The following PPM1A variants were observed in gnomAD, a reference collection of about 807,000 sequenced individuals.
PPM1A encodes the protein protein phosphatase 1A.
In PPM1A, 7 loss-of-function variants were observed where a neutral mutation model predicts 35.0. The ratio of observed to expected loss-of-function variants is 0.20; its 90% CI spans 0.11 to 0.38. The LOEUF is 0.38. Among genes scored for constraint, PPM1A ranks in the 10% least tolerant of loss-of-function variants. The pLI, the probability that PPM1A is intolerant of heterozygous loss-of-function variation, is 1.00. For missense variants in PPM1A, 239 were observed against 467.8 expected, an observed-to-expected ratio of 0.51 and a Z score of 4.51; for synonymous variants, 153 against 167.3, an observed-to-expected ratio of 0.91 and a Z score of 0.66.
intron 1 of PPM1A, among the ~76,000 whole-genome samples, chr14:60,275,910 T>C (rs1885705592): frequency 6.7e-6 from 1 of 150,316 alleles, no homozygotes; most frequent in Admixed American, 6.6e-5. Flanking sequence ...CTCATTACCA[T>C]AGATAACTTT....
chr14:60,255,310 T>G (rs1375320463), intron 1 of PPM1A, among the ~76,000 whole-genome samples: 2 of 150,670 alleles, frequency 1.3e-5, no homozygotes, highest in Non-Finnish European at 2.9e-5. Flanking sequence ...TAGCTGGGAC[T>G]ACAGGCGCCC....
At chr14:60,278,082 T>C (rs902377208) in intron 1 of PPM1A, among the ~76,000 whole-genome samples, 2 of 152,190 alleles carry the variant, frequency 1.3e-5, no homozygotes, top group Non-Finnish European at 2.9e-5. Flanking sequence ...TTAATACATA[T>C]ACAAAACTTT....
rs1246629135 is a variant in PPM1A at position 60,289,617 on chromosome 14, C to T, written c.953-189C>T. ...TTGATTTGAAGTTAATCTTATATGT[C>T]ATTTTGTGCATTTTTTGTCATAAAT... is the stretch of plus-strand genomic sequence containing the variant. On this transcript the variant is annotated intron_variant, in intron 3 of 5. Transcript: ENST00000395076. The surrounding 1 kb of genome is among the most constrained non-coding windows in gnomAD (Gnocchi z 4.1). Among the ~76,000 whole-genome samples, 1 of 149,926 alleles carries T rather than the reference C, an allele frequency of 6.7e-6. No individual in the cohort carries two copies. The highest frequency in any genetic ancestry group is 6.6e-5 in the Admixed American group (1 of 15,044).
chr14:60,263,823 G>A (rs74060140), intron 1 of PPM1A, among the ~76,000 whole-genome samples: 12 of 152,140 alleles, frequency 7.9e-5, no homozygotes, highest in Admixed American at 2.6e-4. Context: ...TTCCAATATC[G>A]GAAGTCCTTA....
upstream of PPM1A, among the ~76,000 whole-genome samples, chr14:60,247,486 C>G (rs1881857955): frequency 6.6e-6 from 1 of 151,682 alleles, no homozygotes; most frequent in Non-Finnish European, 1.5e-5. Flanking sequence ...AAAAATTAGC[C>G]AGGCGTGGTG....
At chr14:60,268,363 C>T in intron 1 of PPM1A, 2 of 973,678 alleles carry the variant, frequency 2.1e-6, no homozygotes, top group Non-Finnish European at 2.4e-6. Flanking sequence ...TACTTTCCTC[C>T]ATATTTTCAA....
chr14:60,254,746 G>A (rs1321459497), intron 1 of PPM1A, among the ~76,000 whole-genome samples: 1 of 152,108 alleles, frequency 6.6e-6, no homozygotes, highest in Admixed American at 6.5e-5. Context: ...ATCTTGTACT[G>A]CATCTCCTCC....
rs1888261254 is a variant in PPM1A, at chr14:60,298,914, C to T, written c.*6432C>T. 6.6e-6 allele frequency: 1 copy of T among 151,738 alleles called. No homozygotes were observed. Among genetic ancestry groups the T allele is most frequent in the African/African-American group, 2.4e-5 (1 of 41,364 alleles). The allele number at this position is 151,738 out of a possible 1,614,324, so 9.4% of individuals were successfully genotyped here. Reference sequence around the variant, plus strand: ...TTTGTATTATGTATTATTTCCTGGTCCAAAGAAAATATGTGAATTCAGTTC... The same window carrying T: ...TTTGTATTATGTATTATTTCCTGGTTCAAAGAAAATATGTGAATTCAGTTC... On this transcript the variant is annotated 3_prime_UTR_variant, in exon 6 of 6. Transcript: ENST00000395076.
At position 60,285,731 on chromosome 14, in the gene PPM1A, C is replaced by G. The variant is rs373808700; in HGVS notation, c.942C>G (p.Cys314Trp). The G allele has an allele frequency of 3.0e-5, 48 of 1,613,536 alleles. No individual in the cohort carries two copies. Among genetic ancestry groups the G allele is most frequent in the Non-Finnish European group, 3.7e-5 (44 of 1,179,784 alleles). Reference sequence around the variant, plus strand: ...CAGAGTTGGACAAGTACCTGGAATGCAGAGTAGAAGGTGGATCATTTAACA... The same window carrying G: ...CAGAGTTGGACAAGTACCTGGAATGGAGAGTAGAAGGTGGATCATTTAACA... ...KEAELDKYLE[C>W]RVEEIIKKQG... Residue 314 changes from cysteine (C) to tryptophan (W), a missense_variant, in exon 3 of 6, where the codon TGC becomes TGG. This residue lies in a region of PPM1A where 175 missense variants were observed against 389.2 expected (regional missense o/e 0.45). Coordinates refer to ENST00000395076, the MANE Select transcript of PPM1A (RefSeq NM_021003.5).
chr14:60,287,155 A>G lies in PPM1A; in HGVS notation c.952+1414A>G, dbSNP rs368264616. On this transcript the variant is annotated intron_variant, in intron 3 of 5. Transcript: ENST00000395076. Reference sequence around the variant, plus strand: ...TATTTTTACTATGAAATGGGATCCAATTTTAGAAATGAATTGCTACTTTTC... The same window carrying G: ...TATTTTTACTATGAAATGGGATCCAGTTTTAGAAATGAATTGCTACTTTTC... 15 of 942,112 alleles carry G rather than the reference A, an allele frequency of 1.6e-5. No homozygotes were observed. The East Asian group carries it at 1.3e-3, about 80-fold the overall frequency. The allele number at this position is 942,112 out of a possible 1,614,324, so 58.4% of individuals were successfully genotyped here.
intron 1 of PPM1A, among the ~76,000 whole-genome samples, chr14:60,279,317 A>T (rs1325237315): frequency 6.6e-6 from 1 of 152,086 alleles, no homozygotes; most frequent in African/African-American, 2.4e-5. Context: ...GGGTTTCACC[A>T]TGTTGGCCAG....
chr14:60,254,423 T>G (rs1241714413), intron 1 of PPM1A, among the ~76,000 whole-genome samples: 1 of 152,168 alleles, frequency 6.6e-6, no homozygotes, highest in Non-Finnish European at 1.5e-5. Context: ...AAGGTGAATG[T>G]TCAGGCTAGA....
chr14:60,255,159 G>GTTTTTTTT (rs869066455), intron 1 of PPM1A, among the ~76,000 whole-genome samples: 6 of 100,842 alleles, frequency 5.9e-5, no homozygotes, highest in African/African-American at 3.2e-4. Context: ...TCTATCATAT[G>GTTTTTTTT]TTTTTTTTTT....
intron 1 of PPM1A, among the ~76,000 whole-genome samples, chr14:60,272,822 G>C (rs896174039): frequency 1.3e-5 from 2 of 151,768 alleles, no homozygotes; most frequent in African/African-American, 4.8e-5. Context: ...CTTAGAACTT[G>C]GTTTATTCTC....
Position 60,282,663 on chromosome 14 carries a change from C to A in PPM1A, c.-20-21C>A, listed in dbSNP as rs374983963. On this transcript the variant is annotated intron_variant, in intron 1 of 5. Transcript: ENST00000395076. The surrounding 1 kb of genome is among the most constrained non-coding windows in gnomAD (Gnocchi z 5.1). ...TGTTTATAAGACAGTTATTGACTTTCCTGTTTCTCTTCCTTTGCAGACCTA... is the reference window on the plus strand; with the variant it reads ...TGTTTATAAGACAGTTATTGACTTTACTGTTTCTCTTCCTTTGCAGACCTA... 121 of 1,601,540 alleles carry A rather than the reference C, an allele frequency of 7.6e-5. No homozygotes were observed. The highest frequency in any genetic ancestry group is 9.4e-5 in the African/African-American group (7 of 74,464).
At chr14:60,258,605 A>G (rs1196078826) in intron 1 of PPM1A, among the ~76,000 whole-genome samples, 2 of 152,108 alleles carry the variant, frequency 1.3e-5, no homozygotes, top group South Asian at 2.1e-4. Context: ...TTAGGGTCCA[A>G]TATTTTCTTT....
intron 3 of PPM1A, chr14:60,286,450 T>C (rs925020364): frequency 2.0e-6 from 2 of 985,196 alleles, no homozygotes; most frequent in African/African-American, 3.5e-5. Context: ...TTATGCAGTT[T>C]CTCTAAGTGG....
intron 3 of PPM1A, chr14:60,288,079 T>C: frequency 1.0e-6 from 1 of 982,338 alleles, no homozygotes; most frequent in Non-Finnish European, 1.2e-6. Flanking sequence ...TTTTCTTTTT[T>C]GAAAGCAGAC....
chr14:60,279,910 G>A (rs1211370830), intron 1 of PPM1A, among the ~76,000 whole-genome samples: 1 of 152,036 alleles, frequency 6.6e-6, no homozygotes, highest in Non-Finnish European at 1.5e-5. Flanking sequence ...ATATTATATT[G>A]AGTATTTATA....
Sources: gnomAD v4.1 joint callset for allele counts (sites outside exome capture counted in the v4.1 genomes callset) on GRCh38, gnomAD v4.1.1 for gene constraint, gnomAD v4.1.1 regional missense constraint, Gnocchi (gnomAD v3.1) non-coding constraint, MANE v1.5 for transcripts, NCBI Gene and HGNC (gene_info 2026-07-23, HGNC 2026-07-21) for gene names.